The following CYTH1 variants were observed in gnomAD, a reference collection of about 807,000 sequenced individuals.
The protein encoded by CYTH1 is cytohesin 1.
CYTH1 carries 18 observed loss-of-function variants against 61.8 expected under a neutral mutation model. The observed-to-expected ratio is 0.29, with a 90% confidence interval of 0.20 to 0.43. The LOEUF is 0.43. Among genes scored for constraint, CYTH1 ranks in the 20% least tolerant of loss-of-function variants. The probability of loss-of-function intolerance (pLI) is 1.00; values close to 1 mark genes in which losing one functional copy is unlikely to be tolerated. For missense variants in CYTH1, 336 were observed against 510.5 expected (o/e 0.66, Z 3.29); for synonymous variants, 174 against 184.3 (o/e 0.94, Z 0.45).
chr17:78,742,389 C>G (rs1179237192), intron 1 of CYTH1, among the ~76,000 whole-genome samples: 1 of 152,220 alleles, frequency 6.6e-6, no homozygotes, highest in African/African-American at 2.4e-5. Flanking sequence ...AGGTGGGACC[C>G]TGTCTCTACA....
chr17:78,738,415 A>G lies in CYTH1; in HGVS notation c.23-28683T>C, dbSNP rs143610266. 6.7e-3 allele frequency among the ~76,000 whole-genome samples: 1,013 copies of G among 152,280 alleles called. 13 individuals carry two copies. The highest frequency in any genetic ancestry group is 0.023 in the African/African-American group (935 of 41,548). Reference sequence around the variant, plus strand: ...CCCCTCTCCTATTAGTCTTCATTGTAAATGCAAACACCTGCAGCAGCTTTG... The same window carrying G: ...CCCCTCTCCTATTAGTCTTCATTGTGAATGCAAACACCTGCAGCAGCTTTG... On this transcript the variant is annotated intron_variant, in intron 1 of 13. Transcript: ENST00000446868.
intron 1 of CYTH1, among the ~76,000 whole-genome samples, chr17:78,766,157 G>A (rs1418708021): frequency 2.0e-5 from 3 of 150,274 alleles, no homozygotes; most frequent in East Asian, 2.0e-4. Context: ...TCAGGACTTC[G>A]GGCAGGAAGA....
intron 11 of CYTH1, among the ~76,000 whole-genome samples, chr17:78,682,659 G>A (rs1358442880): frequency 6.6e-6 from 1 of 152,228 alleles, no homozygotes; most frequent in Non-Finnish European, 1.5e-5. Flanking sequence ...CTATCTGGCT[G>A]TGCCTAACAG....
intron 1 of CYTH1, among the ~76,000 whole-genome samples, chr17:78,780,123 A>G (rs2144789173): frequency 6.6e-6 from 1 of 152,390 alleles, no homozygotes; most frequent in East Asian, 1.9e-4. Context: ...AGAAAAGAGC[A>G]GCAGGCAAAA....
At chr17:78,695,966 G>A in intron 10 of CYTH1, 41 bp downstream of exon 10, 5 of 1,367,230 alleles carry the variant, frequency 3.7e-6, no homozygotes, top group Non-Finnish European at 4.9e-6. Context: ...AGTAATGACA[G>A]TGGCCTAGCA....
rs2093513637 is a variant in CYTH1, at chr17:78,780,765, G to C, written c.22+1437C>G. ...CTCATGCCTGTAATCCCAGCACTTT[G>C]GGAGGCCGAGGCGGGTGGATCACCT... is the stretch of plus-strand genomic sequence containing the variant. On this transcript the variant is annotated intron_variant, in intron 1 of 13. Transcript: ENST00000446868. 2.0e-5 allele frequency among the ~76,000 whole-genome samples: 3 copies of C among 152,154 alleles called. No homozygotes were observed. In the South Asian group the frequency reaches 6.2e-4, roughly 31 times the overall value.
chr17:78,776,281 C>T (rs188018824), intron 1 of CYTH1, among the ~76,000 whole-genome samples: 28 of 152,224 alleles, frequency 1.8e-4, no homozygotes, highest in Non-Finnish European at 3.1e-4. Flanking sequence ...TGGAAAATCC[C>T]GCAAATACTC....
chr17:78,745,357 C>G (rs2093355768), intron 1 of CYTH1, among the ~76,000 whole-genome samples: 1 of 152,064 alleles, frequency 6.6e-6, no homozygotes, highest in African/African-American at 2.4e-5. Context: ...ATAAGGTAAA[C>G]AGAAATAACC....
At chr17:78,773,913 A>G (rs1010931599) in intron 1 of CYTH1, among the ~76,000 whole-genome samples, 1 of 152,204 alleles carries the variant, frequency 6.6e-6, no homozygotes, top group Non-Finnish European at 1.5e-5. Flanking sequence ...ACCTAAGTTA[A>G]GTAAATAAAC....
Position 78,675,382 on chromosome 17 carries a change from G to A in CYTH1, c.*709C>T, listed in dbSNP as rs2092686974. ...CCGACTGCGACCCCGGCCAGGGCAG[G>A]CCCCCGACTCTGACTGTGCCGTCTG... On this transcript the variant is annotated 3_prime_UTR_variant, in exon 14 of 14. Coordinates refer to ENST00000446868, the MANE Select transcript of CYTH1 (RefSeq NM_004762.6). 6.6e-6 allele frequency: 1 copy of A among 152,294 alleles called. No homozygotes were observed. The highest frequency in any genetic ancestry group is 1.5e-5 in the Non-Finnish European group (1 of 68,124). 9.4% of individuals were successfully genotyped at this position (152,294 alleles called of 1,614,324 possible). A position where few individuals can be genotyped will look rare whatever the true frequency, so the allele number is the denominator to read the frequency against.
At position 78,760,409 on chromosome 17, in the gene CYTH1, G is replaced by GTA. The variant is rs1237676249; in HGVS notation, c.22+21791_22+21792dup. 8.5e-3 allele frequency among the ~76,000 whole-genome samples: 335 copies of GTA among 39,240 alleles called. 29 individuals are homozygous for GTA. The highest frequency in any genetic ancestry group is 0.015 in the African/African-American group (157 of 10,692). 25.7% of individuals were successfully genotyped at this position (39,240 alleles called of 152,430 possible). On this transcript the variant is annotated intron_variant, in intron 1 of 13. Transcript: ENST00000446868. ...TACACACACATACATATATATATGT[G>GTA]TATATATATATATATACACATACAT... is the stretch of plus-strand genomic sequence containing the variant.
chr17:78,732,429 A>T (rs1387876041), intron 1 of CYTH1, among the ~76,000 whole-genome samples: 1 of 152,220 alleles, frequency 6.6e-6, no homozygotes, highest in African/African-American at 2.4e-5. Flanking sequence ...ATTCACCTTC[A>T]TTAAGAAGAA....
chr17:78,696,415 G>A (rs1029700485), intron 9 of CYTH1, among the ~76,000 whole-genome samples: 1 of 152,252 alleles, frequency 6.6e-6, no homozygotes, highest in Admixed American at 6.5e-5. Context: ...TTTAAAGTGT[G>A]TGTAAGAATG....
chr17:78,727,486 G>T (rs2093272701), intron 1 of CYTH1, among the ~76,000 whole-genome samples: 1 of 152,202 alleles, frequency 6.6e-6, no homozygotes. Flanking sequence ...ATTTCTACCT[G>T]CACCTCAAAA....
At chr17:78,734,423 A>T (rs1306740857) in intron 1 of CYTH1, among the ~76,000 whole-genome samples, 2 of 139,062 alleles carry the variant, frequency 1.4e-5, no homozygotes, top group South Asian at 2.3e-4. Flanking sequence ...TGTACCAGGT[A>T]AAAAAAAGCT....
chr17:78,682,440 C>A (rs780972930), intron 11 of CYTH1, among the ~76,000 whole-genome samples: 1 of 152,158 alleles, frequency 6.6e-6, no homozygotes, highest in Non-Finnish European at 1.5e-5. Flanking sequence ...CCTTGATACT[C>A]GGTAAACTGC....
chr17:78,707,806 G>A (rs535952079), intron 3 of CYTH1, among the ~76,000 whole-genome samples: 121 of 151,322 alleles, frequency 8.0e-4, no homozygotes, highest in African/African-American at 2.8e-3. Flanking sequence ...TCAGCCTCCC[G>A]AGTAGCTGGG....
At chr17:78,764,765 C>T (rs1257399317) in intron 1 of CYTH1, among the ~76,000 whole-genome samples, 1 of 152,054 alleles carries the variant, frequency 6.6e-6, no homozygotes, top group Non-Finnish European at 1.5e-5. Context: ...ATTCAGTCAA[C>T]AAGCTCTGAG....
intron 1 of CYTH1, among the ~76,000 whole-genome samples, chr17:78,773,240 C>G (rs888470600): frequency 6.6e-6 from 1 of 152,088 alleles, no homozygotes; most frequent in Non-Finnish European, 1.5e-5. Flanking sequence ...GAAGCCAAGG[C>G]AGGAGAATCA....
Sources: gnomAD v4.1 joint callset for allele counts (sites outside exome capture counted in the v4.1 genomes callset) on GRCh38, gnomAD v4.1.1 for gene constraint, MANE v1.5 for transcripts, NCBI Gene and HGNC (gene_info 2026-07-23, HGNC 2026-07-21) for gene names.